DHX9: variants seen among roughly 807,000 people sequenced by gnomAD.
The protein encoded by DHX9 is DExH-box helicase 9, also known as ATP-dependent RNA helicase A.
Under a neutral mutation model 148.7 loss-of-function variants are expected in DHX9, and 27 were observed. The observed-to-expected ratio is 0.18, with a 90% CI of 0.13 to 0.25. The LOEUF is 0.25. DHX9 is among the 10% of genes least tolerant of loss of function. The pLI, the probability that DHX9 is intolerant of heterozygous loss-of-function variation, is 1.00. For missense variants in DHX9, 796 were observed against 1,559.6 expected (o/e 0.51, Z 8.25); for synonymous variants, 529 against 516.6 (o/e 1.02, Z -0.33).
chr1:182,869,660 G>GA (rs754527203), intron 14 of DHX9, among the ~76,000 whole-genome samples: 5 of 152,242 alleles, frequency 3.3e-5, no homozygotes, highest in Non-Finnish European at 7.3e-5. Context: ...GCCCAGGCTA[G>GA]AGTGAAGTTT....
At chr1:182,867,165 A>G in intron 14 of DHX9, 122 bp downstream of exon 14, 1 of 592,272 alleles carries the variant, frequency 1.7e-6, no homozygotes, top group Non-Finnish European at 2.9e-6. Flanking sequence ...AACTTCAGTC[A>G]CTAAGATGTT....
Position 182,853,792 on chromosome 1 carries a change from CA to C in DHX9, c.478-237del, listed in dbSNP as rs1177032484. Among the ~76,000 whole-genome samples, 127 of 150,038 alleles carry C rather than the reference CA, an allele frequency of 8.5e-4. 1 individual carries two copies. The highest frequency in any genetic ancestry group is 2.9e-3 in the African/African-American group (118 of 40,460). On this transcript the variant is annotated intron_variant, in intron 5 of 27. Coordinates refer to ENST00000367549, the MANE Select transcript of DHX9 (RefSeq NM_001357.5). ...GTTAAAACAAGCACAAAGAAGTTGT[CA>C]TTTTTTTTTTTTGGAAGAATTTAAA...
intron 22 of DHX9, among the ~76,000 whole-genome samples, 153 bp downstream of exon 22, chr1:182,880,761 AC>A (rs1339454886): frequency 1.3e-5 from 2 of 152,204 alleles, no homozygotes; most frequent in African/African-American, 4.8e-5. Context: ...GAGCAGTGTA[AC>A]ACTAAAAAAA....
At chr1:182,862,429 T>G (rs1668378846) in intron 12 of DHX9, among the ~76,000 whole-genome samples, 1 of 152,234 alleles carries the variant, frequency 6.6e-6, no homozygotes, top group African/African-American at 2.4e-5. Context: ...AATAGTTGTC[T>G]TCTACCTTTA....
At chr1:182,850,844 T>C (rs1024340036) in intron 3 of DHX9, among the ~76,000 whole-genome samples, 2 of 152,238 alleles carry the variant, frequency 1.3e-5, no homozygotes, top group African/African-American at 4.8e-5. Flanking sequence ...TCAATACTCT[T>C]ATACCTCACC....
At chr1:182,873,757 T>A (rs1648650293) in intron 15 of DHX9, among the ~76,000 whole-genome samples, 2 of 152,192 alleles carry the variant, frequency 1.3e-5, no homozygotes. Context: ...TAGATAGGGA[T>A]ATGCCCCACA....
In DHX9 at chr1:182,879,372, C is replaced by A; in HGVS notation, c.2474C>A (p.Pro825His). The A allele has an allele frequency of 6.5e-7, 1 of 1,528,632 alleles. No homozygotes were observed. Among genetic ancestry groups the A allele is most frequent in the Non-Finnish European group, 8.9e-7 (1 of 1,120,340 alleles). 94.7% of individuals were successfully genotyped at this position (1,528,632 alleles called of 1,614,324 possible). A position where few individuals can be genotyped will look rare whatever the true frequency, so the allele number is the denominator to read the frequency against. ...QFLAKAIEPP[P>H]LDAVIEAEHT... is the part of the protein sequence containing the mutation. The stretch of plus-strand genomic sequence containing the variant: ...CTGGCCAAAGCAATTGAACCTCCCC[C>A]TTTGGATGCTGTGATTGAAGCAGAA... The change falls in exon 21 of 28, where the codon CCT becomes CAT. Residue 825 changes from proline to histidine, a missense_variant. Coordinates refer to ENST00000367549, the MANE Select transcript of DHX9 (RefSeq NM_001357.5).
At chr1:182,852,784 C>T (rs778372160) in intron 4 of DHX9, among the ~76,000 whole-genome samples, 6 of 152,144 alleles carry the variant, frequency 3.9e-5, no homozygotes, top group African/African-American at 7.2e-5. Flanking sequence ...TCTTCGTTTC[C>T]AAGAACCTAG....
intron 12 of DHX9, 130 bp downstream of exon 12, chr1:182,860,314 A>G (rs1449707869): frequency 3.9e-6 from 3 of 776,174 alleles, no homozygotes; most frequent in Non-Finnish European, 5.8e-6. Context: ...TTAAAAAAAG[A>G]AAACATAAAA....
At chr1:182,867,352 TATGA>T (rs2102607992) in intron 14 of DHX9, among the ~76,000 whole-genome samples, 1 of 152,332 alleles carries the variant, frequency 6.6e-6, no homozygotes, top group South Asian at 2.1e-4. Flanking sequence ...ATGGAATTTT[TATGA>T]TTCGTTTTTC....
chr1:182,840,595 C>T (rs1217215297), intron 1 of DHX9, among the ~76,000 whole-genome samples: 1 of 152,140 alleles, frequency 6.6e-6, no homozygotes, highest in South Asian at 2.1e-4. Flanking sequence ...TCCGCGCCCG[C>T]CCGAATTCTT....
intron 14 of DHX9, among the ~76,000 whole-genome samples, chr1:182,870,582 T>C (rs569719411): frequency 7.5e-4 from 114 of 152,352 alleles, no homozygotes; most frequent in African/African-American, 2.5e-3. Flanking sequence ...AACTGGAAAC[T>C]AATGGTTATT....
intron 14 of DHX9, 121 bp downstream of exon 14, chr1:182,867,164 C>A: frequency 1.7e-6 from 1 of 592,496 alleles, no homozygotes; most frequent in South Asian, 2.9e-5. Flanking sequence ...GAACTTCAGT[C>A]ACTAAGATGT....
intron 4 of DHX9, 62 bp downstream of exon 4, chr1:182,852,406 C>T (rs1375342109): frequency 3.4e-6 from 4 of 1,191,156 alleles, no homozygotes; most frequent in Non-Finnish European, 3.5e-6. Context: ...TGATCACCAT[C>T]TCTGTTTCTC....
Position 182,851,729 on chromosome 1 carries a change from C to T in DHX9, c.253-504C>T, listed in dbSNP as rs138556988. Among the ~76,000 whole-genome samples the T allele has an allele frequency of 2.6e-4, 40 of 152,172 alleles. 1 individual carries two copies. Among genetic ancestry groups the T allele is most frequent in the African/African-American group, 8.7e-4 (36 of 41,530 alleles). On this transcript the variant is annotated intron_variant, in intron 3 of 27. Coordinates refer to ENST00000367549, the MANE Select transcript of DHX9 (RefSeq NM_001357.5). The stretch of plus-strand genomic sequence containing the variant: ...GTAACAGCACATCTGAGGCAAAACC[C>T]TGTAATTAAACTTTCTTAATACGTA...
chr1:182,880,624 T>C lies in DHX9; in HGVS notation c.2624+16T>C. The C allele has an allele frequency of 6.6e-7, 1 of 1,513,438 alleles. No individual in the cohort carries two copies. The highest frequency in any genetic ancestry group is 9.2e-7 in the Non-Finnish European group (1 of 1,089,112). The allele number at this position is 1,513,438 out of a possible 1,614,324, so 93.8% of individuals were successfully genotyped here. ...GTATTTTCTAGTAAGTGCTTTGTTTTATTTCTCTTCGTTAAGTGGCAGAAT... is the reference window on the plus strand; with the variant it reads ...GTATTTTCTAGTAAGTGCTTTGTTTCATTTCTCTTCGTTAAGTGGCAGAAT... On this transcript the variant is annotated intron_variant, in intron 22 of 27. Transcript: ENST00000367549.
At chr1:182,876,724 A>T in intron 18 of DHX9, 106 bp from the exon 19 acceptor site, 1 of 955,468 alleles carries the variant, frequency 1.0e-6, no homozygotes, top group Non-Finnish European at 1.6e-6. Flanking sequence ...TGATCTTTTT[A>T]GGACTTCTGT....
rs371218227 is a variant in DHX9 at position 182,855,213 on chromosome 1, G to A, written c.626+1035G>A. Among the ~76,000 whole-genome samples the A allele has an allele frequency of 2.0e-5, 3 of 152,212 alleles. No homozygotes were observed. In the South Asian group the frequency reaches 6.2e-4, roughly 32 times the overall value. ...GGAGTGATACATTTGTTGATGATTT[G>A]TTTTCTTTCATATTTTGTCTTTCTG... On this transcript the variant is annotated intron_variant, in intron 6 of 27. Coordinates refer to ENST00000367549, the MANE Select transcript of DHX9 (RefSeq NM_001357.5).
intron 18 of DHX9, 48 bp downstream of exon 18, chr1:182,876,589 T>C: frequency 5.9e-6 from 9 of 1,513,068 alleles, no homozygotes; most frequent in Non-Finnish European, 7.3e-6. Context: ...ACGTAGATAC[T>C]AAACAAATGT....
Sources: gnomAD v4.1 joint callset for allele counts (sites outside exome capture counted in the v4.1 genomes callset) on GRCh38, gnomAD v4.1.1 for gene constraint, MANE v1.5 for transcripts, NCBI Gene and HGNC (gene_info 2026-07-23, HGNC 2026-07-21) for gene names.